The following CHST8 variants were observed in gnomAD, a reference collection of about 807,000 sequenced individuals.
CHST8 encodes the protein carbohydrate sulfotransferase 8, also known as GALNAC-4-ST1.
In CHST8, 10 loss-of-function variants were observed where a neutral mutation model predicts 15.0. The ratio of observed to expected loss-of-function variants is 0.67; its 90% CI spans 0.41 to 1.13. The LOEUF (loss-of-function observed/expected upper bound fraction) is 1.13. Among genes scored for constraint, CHST8 ranks in the 50% most tolerant of loss-of-function variants. The pLI, the probability that CHST8 is intolerant of heterozygous loss-of-function variation, is 0.00. For synonymous variants in CHST8, 259 were observed against 256.6 expected (o/e 1.01, Z -0.09); for missense variants, 634 against 608.2 (o/e 1.04, Z -0.45).
intron 3 of CHST8, among the ~76,000 whole-genome samples, chr19:33,721,510 A>T (rs1973788078): frequency 6.6e-6 from 1 of 151,806 alleles, no homozygotes; most frequent in South Asian, 2.1e-4. Context: ...AGATGGATGG[A>T]TGGATGGGTG....
chr19:33,719,313 AC>A lies in CHST8; in HGVS notation c.130+29925del, dbSNP rs1042206008. On this transcript the variant is annotated intron_variant, in intron 3 of 4. Coordinates refer to ENST00000650847, the MANE Select transcript of CHST8 (RefSeq NM_001127895.2). ...AAGTGGCTCTGGTGTCATTGGTGACACCCATGTGTGTTCACTCCTGGTGGAA... is the reference window on the plus strand; with the variant it reads ...AAGTGGCTCTGGTGTCATTGGTGACACCATGTGTGTTCACTCCTGGTGGAA... 2.6e-4 allele frequency among the ~76,000 whole-genome samples: 39 copies of A among 152,118 alleles called. 1 individual carries two copies. Among genetic ancestry groups the A allele is most frequent in the African/African-American group, 8.2e-4 (34 of 41,506 alleles).
chr19:33,633,452 C>T (rs975321728), intron 1 of CHST8, among the ~76,000 whole-genome samples: 32 of 151,976 alleles, frequency 2.1e-4, no homozygotes, highest in African/African-American at 7.0e-4. Flanking sequence ...AGTGCAGTGG[C>T]GCAATCACAG....
chr19:33,710,832 C>T (rs115223006), intron 3 of CHST8, among the ~76,000 whole-genome samples: 1,523 of 151,702 alleles, frequency 0.01, 25 homozygotes, highest in African/African-American at 0.034. Context: ...CTTGAATAAA[C>T]GCTTCTTGAT....
chr19:33,643,133 C>T (rs1383063768), intron 1 of CHST8, among the ~76,000 whole-genome samples: 1 of 152,146 alleles, frequency 6.6e-6, no homozygotes, highest in Non-Finnish European at 1.5e-5. Flanking sequence ...AAGGGTATGC[C>T]CGTCTTTAAA....
intron 3 of CHST8, 81 bp downstream of exon 3, chr19:33,689,472 T>C: frequency 1.4e-6 from 2 of 1,417,882 alleles, no homozygotes; most frequent in South Asian, 1.5e-5. Flanking sequence ...TGCCCTGGTG[T>C]GCTGGGCTTG....
At chr19:33,661,788 T>G (rs905586843) in intron 1 of CHST8, among the ~76,000 whole-genome samples, 1 of 144,412 alleles carries the variant, frequency 6.9e-6, no homozygotes, top group Non-Finnish European at 1.5e-5. Context: ...CCCAGCACTT[T>G]GGGAGGCTGG....
chr19:33,672,510 T>C (rs948864431), intron 2 of CHST8, among the ~76,000 whole-genome samples: 1 of 152,310 alleles, frequency 6.6e-6, no homozygotes, highest in African/African-American at 2.4e-5. Flanking sequence ...CCATCAAAAG[T>C]ATTTTTTCAT....
chr19:33,630,883 C>T (rs1020862789), intron 1 of CHST8, among the ~76,000 whole-genome samples: 10 of 152,220 alleles, frequency 6.6e-5, no homozygotes, highest in African/African-American at 2.2e-4. Flanking sequence ...GGTCTTTGCA[C>T]AAGGTTCAGA....
intron 3 of CHST8, among the ~76,000 whole-genome samples, chr19:33,705,203 A>G (rs1973423723): frequency 1.3e-5 from 2 of 152,116 alleles, no homozygotes; most frequent in Admixed American, 1.3e-4. Flanking sequence ...GCTAAGAATT[A>G]CTTCCAGCCC....
At chr19:33,713,255 G>A (rs73593072) in intron 3 of CHST8, among the ~76,000 whole-genome samples, 47 of 152,314 alleles carry the variant, frequency 3.1e-4, no homozygotes, top group African/African-American at 9.9e-4. Context: ...AGCAGTCTGT[G>A]GAGATGCCAC....
At chr19:33,654,156 C>G (rs1170620408) in intron 1 of CHST8, among the ~76,000 whole-genome samples, 1 of 152,110 alleles carries the variant, frequency 6.6e-6, no homozygotes, top group East Asian at 1.9e-4. Flanking sequence ...ATTTTAATCA[C>G]TATATTTTTC....
intron 3 of CHST8, among the ~76,000 whole-genome samples, chr19:33,758,925 G>C (rs368078887): frequency 9.9e-5 from 15 of 152,248 alleles, no homozygotes; most frequent in East Asian, 3.9e-4. Context: ...TTCTTGGCGG[G>C]GGGGGGCGGT....
intron 3 of CHST8, among the ~76,000 whole-genome samples, chr19:33,760,007 G>A (rs754500531): frequency 7.2e-5 from 11 of 152,012 alleles, no homozygotes; most frequent in African/African-American, 9.7e-5. Context: ...TCCATCTCCC[G>A]AAATGTTCTT....
At chr19:33,699,655 C>T (rs559085095) in intron 3 of CHST8, among the ~76,000 whole-genome samples, 35 of 152,192 alleles carry the variant, frequency 2.3e-4, no homozygotes, top group African/African-American at 7.2e-4. Context: ...GTCCAATGCC[C>T]GCGGGTCTGC....
intron 3 of CHST8, among the ~76,000 whole-genome samples, chr19:33,720,513 CCA>C (rs1568341903): frequency 6.6e-6 from 1 of 152,118 alleles, no homozygotes; most frequent in Non-Finnish European, 1.5e-5. Flanking sequence ...CATATGCTTG[CCA>C]CACACACACG....
chr19:33,680,353 G>A (rs146826359), intron 2 of CHST8, among the ~76,000 whole-genome samples: 1 of 152,248 alleles, frequency 6.6e-6, no homozygotes, highest in Non-Finnish European at 1.5e-5. Context: ...CCTAACCTGT[G>A]CTCTGTAATA....
rs372839543 is a variant in CHST8 at position 33,646,473 on chromosome 19, A to G, written c.-163-21294A>G. Among the ~76,000 whole-genome samples the G allele has an allele frequency of 9.2e-5, 14 of 152,356 alleles. No homozygotes were observed. In the East Asian group the frequency reaches 2.7e-3, roughly 29 times the overall value. On this transcript the variant is annotated intron_variant, in intron 1 of 4. Coordinates refer to ENST00000650847, the MANE Select transcript of CHST8 (RefSeq NM_001127895.2). ...TCAAACACTAGTCGTAGGTTTTACA[A>G]TAGTGATGTTATCTACAGGAGCAGT...
At chr19:33,713,286 G>A (rs1973595842) in intron 3 of CHST8, among the ~76,000 whole-genome samples, 1 of 152,142 alleles carries the variant, frequency 6.6e-6, no homozygotes, top group South Asian at 2.1e-4. Flanking sequence ...CAAGATCTGC[G>A]ATCTCCTAAT....
At chr19:33,670,938 G>A (rs1972728764) in intron 2 of CHST8, among the ~76,000 whole-genome samples, 1 of 152,192 alleles carries the variant, frequency 6.6e-6, no homozygotes, top group East Asian at 1.9e-4. Flanking sequence ...ACTGAGGCAT[G>A]AAGAGGTTAA....
Sources: gnomAD v4.1 joint callset for allele counts (sites outside exome capture counted in the v4.1 genomes callset) on GRCh38, gnomAD v4.1.1 for gene constraint, MANE v1.5 for transcripts, NCBI Gene and HGNC (gene_info 2026-07-23, HGNC 2026-07-21) for gene names.